The following SLC29A1 variants were observed in gnomAD, a reference collection of about 807,000 sequenced individuals.
The protein encoded by SLC29A1 is solute carrier family 29 member 1 (Augustine blood group).
Under a neutral mutation model 48.3 loss-of-function variants are expected in SLC29A1, and 22 were observed. The ratio of observed to expected loss-of-function variants is 0.46; its 90% CI spans 0.33 to 0.65. The LOEUF (loss-of-function observed/expected upper bound fraction) is 0.65. Ranked by LOEUF, SLC29A1 falls within the 30% of genes least tolerant of loss-of-function variation. The probability of loss-of-function intolerance (pLI) is 0.03; values close to 1 mark genes in which losing one functional copy is unlikely to be tolerated. For missense variants in SLC29A1, 491 were observed against 575.3 expected, an observed-to-expected ratio of 0.85 and a Z score of 1.50; for synonymous variants, 228 against 231.0, an observed-to-expected ratio of 0.99 and a Z score of 0.12.
At chr6:44,219,724 C>A (rs1776095812), upstream of SLC29A1, 1 of 1,288,958 alleles carries the variant, frequency 7.8e-7, no homozygotes, top group Admixed American at 2.3e-5. Context: ...TAGGGGCCCG[C>A]AGGCCTGGGA....
intron 2 of SLC29A1, among the ~76,000 whole-genome samples, 184 bp downstream of exon 2, chr6:44,227,526 G>A (rs561076223): frequency 3.7e-4 from 57 of 152,254 alleles, no homozygotes; most frequent in Non-Finnish European, 2.1e-4. Context: ...GGGTGTCTGC[G>A]GGAAGGGCAG....
In SLC29A1 at chr6:44,232,737, A is replaced by G; in HGVS notation, c.1060-70A>G. ...CAGTTCAGATCCTGAGGGGCCCCAG[A>G]TGGATCCTTGGGGGCCTGGCTGTGC... is the stretch of plus-strand genomic sequence containing the variant. On this transcript the variant is annotated intron_variant, in intron 11 of 12. Transcript: ENST00000371755. The surrounding 1 kb of genome is among the most constrained non-coding windows in gnomAD (Gnocchi z 4.7). 1.3e-6 allele frequency: 2 copies of G among 1,499,184 alleles called. No individual in the cohort carries two copies. Among genetic ancestry groups the G allele is most frequent in the Non-Finnish European group, 1.8e-6 (2 of 1,094,908 alleles). The allele number at this position is 1,499,184 out of a possible 1,614,324, so 92.9% of individuals were successfully genotyped here.
Position 44,223,942 on chromosome 6 carries a change from T to C in SLC29A1, c.-52+301T>C. The C allele has an allele frequency of 2.0e-6, 2 of 988,416 alleles. No individual in the cohort carries two copies. The highest frequency in any genetic ancestry group is 2.4e-6 in the Non-Finnish European group (2 of 832,262). 61.2% of individuals were successfully genotyped at this position (988,416 alleles called of 1,614,324 possible). A position where few individuals can be genotyped will look rare whatever the true frequency, so the allele number is the denominator to read the frequency against. On this transcript the variant is annotated intron_variant, in intron 1 of 12. Transcript: ENST00000371755. This position sits in a 1 kb window ranked among gnomAD's most constrained non-coding sequence, Gnocchi z 5.0. ...AAGGGGCAGGCGAGTGGACGGGTGA[T>C]CCCCATCGATCTGGTCGGTATCAGG...
chr6:44,228,509 G>A (rs1017436689), intron 2 of SLC29A1, among the ~76,000 whole-genome samples: 11 of 152,242 alleles, frequency 7.2e-5, no homozygotes, highest in Admixed American at 3.9e-4. Context: ...CCAGGCTCCT[G>A]CACTCTGGCC....
chr6:44,230,834 G>C lies in SLC29A1; in HGVS notation c.711G>C (p.Gln237His). ...AGGAATTCTACCGCTACTACCAGCAGCTCAAGCTTGAAGGACCCGGGGAGC... is the reference window on the plus strand; with the variant it reads ...AGGAATTCTACCGCTACTACCAGCACCTCAAGCTTGAAGGACCCGGGGAGC... ...PRLEFYRYYQ[Q>H]LKLEGPGEQE... The change falls in exon 8 of 13, where the codon CAG becomes CAC. Residue 237 changes from glutamine to histidine, a missense_variant. Transcript: ENST00000371755. 1.2e-6 allele frequency: 2 copies of C among 1,614,118 alleles called. No homozygotes were observed. Among genetic ancestry groups the C allele is most frequent in the Non-Finnish European group, 1.7e-6 (2 of 1,179,982 alleles).
chr6:44,227,188 C>A, intron 1 of SLC29A1, 75 bp from the exon 2 acceptor site: 1 of 1,483,152 alleles, frequency 6.7e-7, no homozygotes, highest in Non-Finnish European at 9.2e-7. Context: ...AGCCCTGCCC[C>A]CTCTCCCCCT....
intron 9 of SLC29A1, 143 bp from the exon 10 acceptor site, chr6:44,231,855 C>T: frequency 1.6e-6 from 1 of 607,390 alleles, no homozygotes; most frequent in Non-Finnish European, 3.0e-6. Context: ...AACTCCTGAC[C>T]TCAGGTGATC....
chr6:44,232,461 G>A lies in SLC29A1; in HGVS notation c.1059+33G>A. 1.4e-6 allele frequency: 2 copies of A among 1,453,470 alleles called. No homozygotes were observed. The highest frequency in any genetic ancestry group is 1.9e-6 in the Non-Finnish European group (2 of 1,037,896). 90.0% of individuals were successfully genotyped at this position (1,453,470 alleles called of 1,614,324 possible). A position where few individuals can be genotyped will look rare whatever the true frequency, so the allele number is the denominator to read the frequency against. On this transcript the variant is annotated intron_variant, in intron 11 of 12. Transcript: ENST00000371755. This position sits in a 1 kb window ranked among gnomAD's most constrained non-coding sequence, Gnocchi z 4.7. ...GAGGAAGAGGGCCCCAGGCCCCTGT[G>A]GGAAGTAAGAGTCCAGCCTGGACCC...
rs1433206485 is a variant in SLC29A1 at position 44,232,904 on chromosome 6, T to C, written c.1157T>C (p.Leu386Pro). 12 of 1,614,104 alleles carry C rather than the reference T, an allele frequency of 7.4e-6. No homozygotes were observed. The African/African-American group carries it at 8.0e-5, about 11-fold the overall frequency. The change falls in exon 12 of 13, where the codon CTG becomes CCG. Residue 386 changes from leucine (L) to proline (P), a missense_variant. Leu to Pro is a moderately conservative substitution (Grantham distance 98). Coordinates refer to ENST00000371755, the MANE Select transcript of SLC29A1 (RefSeq NM_001372327.1). This position sits in a 1 kb window ranked among gnomAD's most constrained non-coding sequence, Gnocchi z 4.7. ...TGCAACATTAAGCCCCGCCGCTACC[T>C]GACTGTGGTCTTCGAGCACGATGCC... ...LLCNIKPRRY[L>P]TVVFEHDAWF... is the part of the protein sequence containing the mutation.
rs1226032439 is a variant in SLC29A1, at chr6:44,232,482, G to A, written c.1059+54G>A. The A allele has an allele frequency of 3.3e-6, 4 of 1,208,536 alleles. No individual in the cohort carries two copies. Among genetic ancestry groups the A allele is most frequent in the Admixed American group, 2.1e-5 (1 of 48,558 alleles). The allele number at this position is 1,208,536 out of a possible 1,614,324, so 74.9% of individuals were successfully genotyped here. A position where few individuals can be genotyped will look rare whatever the true frequency, so the allele number is the denominator to read the frequency against. On this transcript the variant is annotated intron_variant, in intron 11 of 12. Coordinates refer to ENST00000371755, the MANE Select transcript of SLC29A1 (RefSeq NM_001372327.1). The surrounding 1 kb of genome is among the most constrained non-coding windows in gnomAD (Gnocchi z 4.7). ...CTGTGGGAAGTAAGAGTCCAGCCTG[G>A]ACCCAGAGAGGGAACCCAAGAAAGT...
At chr6:44,230,695 G>A in intron 7 of SLC29A1, 30 bp downstream of exon 7, 1 of 943,768 alleles carries the variant, frequency 1.1e-6, no homozygotes, top group Non-Finnish European at 1.7e-6. Flanking sequence ...TGGGGTTTGG[G>A]GTATAGGGGT....
intron 1 of SLC29A1, chr6:44,226,761 ATGT>A (rs1777620598): frequency 1.0e-6 from 1 of 999,576 alleles, no homozygotes; most frequent in Non-Finnish European, 1.2e-6. Flanking sequence ...GTCATCATCG[ATGT>A]TGTCGCAGCT....
chr6:44,231,494 C>G, intron 9 of SLC29A1, 33 bp downstream of exon 9: 2 of 1,364,472 alleles, frequency 1.5e-6, no homozygotes, highest in East Asian at 2.4e-5. Flanking sequence ...TCTTCTACCC[C>G]TTGTCCTCTT....
chr6:44,220,466 G>C (rs572914286), upstream of SLC29A1, among the ~76,000 whole-genome samples: 26 of 150,720 alleles, frequency 1.7e-4, no homozygotes, highest in African/African-American at 5.1e-4. Flanking sequence ...TGACAGATGT[G>C]AGCCACTGCA....
chr6:44,226,525 C>G (rs1777560073), intron 1 of SLC29A1: 1 of 156,834 alleles, frequency 6.4e-6, no homozygotes, highest in Admixed American at 6.5e-5. Context: ...GGCTGTGCCC[C>G]CACATCCATT....
At chr6:44,221,472 C>T (rs1582919871), upstream of SLC29A1, 1 of 414,776 alleles carries the variant, frequency 2.4e-6, no homozygotes. The surrounding 1 kb of genome is among the most constrained non-coding windows in gnomAD (Gnocchi z 4.2). Flanking sequence ...TGCATGGGGC[C>T]TGCCAAGTTG....
chr6:44,223,162 G>C (rs904276820), upstream of SLC29A1, among the ~76,000 whole-genome samples: 1 of 152,172 alleles, frequency 6.6e-6, no homozygotes. The surrounding 1 kb of genome is among the most constrained non-coding windows in gnomAD (Gnocchi z 5.0). Context: ...GTGCAGTGTG[G>C]AGGAAGCGCG....
upstream of SLC29A1, chr6:44,219,655 C>T (rs1320803943): frequency 1.7e-5 from 21 of 1,250,000 alleles, no homozygotes; most frequent in Admixed American, 2.3e-5. Flanking sequence ...AGGCCCGGCG[C>T]GGGCTGCGCT....
rs1483086991 is a variant in SLC29A1 at position 44,233,706 on chromosome 6, T to TG, written c.*182dup. ...GGGGAGGGAGCCTCTGGACGGACAG[T>TG]GGGGACATTGTGGGTTTGGGGCTCA... On this transcript the variant is annotated 3_prime_UTR_variant, in exon 13 of 13. Coordinates refer to ENST00000371755, the MANE Select transcript of SLC29A1 (RefSeq NM_001372327.1). The TG allele has an allele frequency of 3.3e-6, 2 of 605,130 alleles. No homozygotes were observed. Among genetic ancestry groups the TG allele is most frequent in the Non-Finnish European group, 5.9e-6 (2 of 338,474 alleles). The allele number at this position is 605,130 out of a possible 1,614,324, so 37.5% of individuals were successfully genotyped here.
Sources: allele counts gnomAD v4.1 joint callset (sites outside exome capture counted in the v4.1 genomes callset), GRCh38; gene constraint gnomAD v4.1.1; non-coding constraint Gnocchi (gnomAD v3.1); transcripts MANE v1.5; gene names NCBI Gene and HGNC (gene_info 2026-07-23, HGNC 2026-07-21).